EXOC5: variants seen among roughly 807,000 people sequenced by gnomAD.
The protein encoded by EXOC5 is exocyst complex component 5.
EXOC5 carries 17 observed loss-of-function variants against 90.8 expected under a neutral mutation model. That is an observed-to-expected ratio of 0.19 (90% CI 0.13 to 0.28). The LOEUF (loss-of-function observed/expected upper bound fraction) is 0.28, where lower values mean the gene tolerates loss of function less well. Ranked by LOEUF, EXOC5 falls within the 10% of genes least tolerant of loss-of-function variation. EXOC5 has a pLI of 1.00. For missense variants in EXOC5, 569 were observed against 830.6 expected (o/e 0.69, Z 3.87); for synonymous variants, 260 against 270.0 (o/e 0.96, Z 0.36).
chr14:57,228,730 T>G (rs1426191516), intron 12 of EXOC5, among the ~76,000 whole-genome samples: 1 of 151,044 alleles, frequency 6.6e-6, no homozygotes, highest in Admixed American at 6.6e-5. Context: ...AAGGGAGGAA[T>G]AGCATTAGGA....
In EXOC5 at chr14:57,258,100, A is replaced by C. The variant is rs148474065; in HGVS notation, c.28-10388T>G. 2.0e-5 allele frequency among the ~76,000 whole-genome samples: 3 copies of C among 152,338 alleles called. No individual in the cohort carries two copies. The East Asian group carries it at 5.8e-4, about 29-fold the overall frequency. On this transcript the variant is annotated intron_variant, in intron 1 of 17. Coordinates refer to ENST00000621441, the MANE Select transcript of EXOC5 (RefSeq NM_006544.4). Reference sequence around the variant, plus strand: ...CTTTACAAATGTTACCAATTGTAACATTAAAATATGATGTTTGTCATTGTG... The same window carrying C: ...CTTTACAAATGTTACCAATTGTAACCTTAAAATATGATGTTTGTCATTGTG...
intron 15 of EXOC5, among the ~76,000 whole-genome samples, chr14:57,216,981 AAAG>A (rs532734264): frequency 7.9e-5 from 12 of 152,346 alleles, no homozygotes; most frequent in African/African-American, 2.6e-4. Flanking sequence ...AAAATTTTTG[AAAG>A]AAGACATACA....
Position 57,204,252 on chromosome 14 carries a change from A to G in EXOC5, c.*4357T>C, listed in dbSNP as rs1198528039. On this transcript the variant is annotated 3_prime_UTR_variant, in exon 18 of 18. Transcript: ENST00000621441. The stretch of plus-strand genomic sequence containing the variant: ...GCAGCCTAGCTGCTTTAATTTGGCA[A>G]TTAAAATTTCTGTTCTCTAAATGTC... The G allele has an allele frequency of 6.6e-6, 1 of 152,160 alleles. No homozygotes were observed. Among genetic ancestry groups the G allele is most frequent in the Admixed American group, 6.6e-5 (1 of 15,264 alleles). The allele number at this position is 152,160 out of a possible 1,614,324, so 9.4% of individuals were successfully genotyped here.
In EXOC5 at chr14:57,231,484, A is replaced by C. The variant is rs374233813; in HGVS notation, c.1148+22T>G. ...TATTAATGTCTTCAGTTTTAACAGA[A>C]GTATTTAACAAAAATACTCACCCTC... On this transcript the variant is annotated intron_variant, in intron 11 of 17. Coordinates refer to ENST00000621441, the MANE Select transcript of EXOC5 (RefSeq NM_006544.4). 145 of 1,528,384 alleles carry C rather than the reference A, an allele frequency of 9.5e-5. No homozygotes were observed. In the Middle Eastern group the frequency reaches 2.8e-3, roughly 30 times the overall value. 94.7% of individuals were successfully genotyped at this position (1,528,384 alleles called of 1,614,324 possible). A position where few individuals can be genotyped will look rare whatever the true frequency, so the allele number is the denominator to read the frequency against.
At chr14:57,243,261 CT>C (rs1883926505) in intron 4 of EXOC5, 1 of 152,060 alleles carries the variant, frequency 6.6e-6, no homozygotes, top group South Asian at 2.1e-4. Flanking sequence ...TCAAAAACAC[CT>C]TTTCTTTAGA....
chr14:57,252,973 G>A (rs533787403), intron 1 of EXOC5, among the ~76,000 whole-genome samples: 13 of 152,182 alleles, frequency 8.5e-5, no homozygotes, highest in South Asian at 2.1e-4. Context: ...AGGAAATCCC[G>A]TCATTTGCAA....
intron 1 of EXOC5, among the ~76,000 whole-genome samples, chr14:57,266,833 C>T (rs1051524414): frequency 6.6e-6 from 1 of 151,374 alleles, no homozygotes; most frequent in African/African-American, 2.4e-5. Flanking sequence ...CTCCCCTTCC[C>T]CGCTAGGGAG....
chr14:57,217,427 T>TA (rs1313009243), intron 15 of EXOC5, among the ~76,000 whole-genome samples: 3 of 152,176 alleles, frequency 2.0e-5, no homozygotes, highest in Non-Finnish European at 4.4e-5. Flanking sequence ...TGGTAATCCT[T>TA]ACAATATTTC....
chr14:57,227,493 C>T (rs973809848), intron 12 of EXOC5, among the ~76,000 whole-genome samples: 1 of 152,156 alleles, frequency 6.6e-6, no homozygotes, highest in Non-Finnish European at 1.5e-5. Context: ...TGATGTTATA[C>T]ATATCACATG....
chr14:57,256,030 C>T (rs1884339477), intron 1 of EXOC5, among the ~76,000 whole-genome samples: 1 of 152,054 alleles, frequency 6.6e-6, no homozygotes, highest in African/African-American at 2.4e-5. Flanking sequence ...TAGGTTCTTC[C>T]GGAATAGTCT....
At chr14:57,262,671 T>C (rs1884544156) in intron 1 of EXOC5, among the ~76,000 whole-genome samples, 1 of 145,768 alleles carries the variant, frequency 6.9e-6, no homozygotes, top group Non-Finnish European at 1.5e-5. Context: ...TACATAAGTG[T>C]ATATATATAC....
At chr14:57,235,203 C>G (rs181754002) in intron 7 of EXOC5, among the ~76,000 whole-genome samples, 1 of 152,248 alleles carries the variant, frequency 6.6e-6, no homozygotes, top group East Asian at 1.9e-4. Context: ...TAAGCACTTT[C>G]TTTGCAGAAA....
intron 1 of EXOC5, among the ~76,000 whole-genome samples, chr14:57,261,281 T>C (rs1884496919): frequency 6.6e-6 from 1 of 152,200 alleles, no homozygotes; most frequent in Admixed American, 6.5e-5. Context: ...CTCACACATG[T>C]GGGCACACAC....
chr14:57,229,680 C>T, intron 12 of EXOC5, 54 bp downstream of exon 12: 1 of 1,305,256 alleles, frequency 7.7e-7, no homozygotes, highest in African/African-American at 1.5e-5. Context: ...ATCAATTCCC[C>T]ACAGATATCA....
At chr14:57,253,411 A>G (rs1274497894) in intron 1 of EXOC5, among the ~76,000 whole-genome samples, 1 of 152,218 alleles carries the variant, frequency 6.6e-6, no homozygotes, top group Non-Finnish European at 1.5e-5. Context: ...ATGGAAACAC[A>G]TCCTATGTTT....
At position 57,218,071 on chromosome 14, in the gene EXOC5, AT is replaced by A; in HGVS notation, c.1527-4del. 1 of 1,370,172 alleles carries A rather than the reference AT, an allele frequency of 7.3e-7. No individual in the cohort carries two copies. 84.9% of individuals were successfully genotyped at this position (1,370,172 alleles called of 1,614,324 possible). Reference sequence around the variant, plus strand: ...ATTCAGATAACTTAGGAGAAGAGCTATTGTATATTTAAAATGGAAAAAGAAT... The same window carrying A: ...ATTCAGATAACTTAGGAGAAGAGCTATGTATATTTAAAATGGAAAAAGAAT... On this transcript the variant is annotated splice_region_variant and splice_polypyrimidine_tract_variant and intron_variant, in intron 14 of 17. Coordinates refer to ENST00000621441, the MANE Select transcript of EXOC5 (RefSeq NM_006544.4).
chr14:57,267,353 C>T (rs1486694118), intron 1 of EXOC5, among the ~76,000 whole-genome samples: 1 of 152,056 alleles, frequency 6.6e-6, no homozygotes, highest in African/African-American at 2.4e-5. Flanking sequence ...TATATTACTC[C>T]TCTCAAAAAA....
chr14:57,238,373 TATACACACACACACAC>T (rs1306585333), intron 5 of EXOC5, among the ~76,000 whole-genome samples: 1 of 79,914 alleles, frequency 1.3e-5, no homozygotes, highest in Non-Finnish European at 3.0e-5. Flanking sequence ...TATATATATA[TATACACACACACACAC>T]ACACACACAC....
chr14:57,222,473 AT>A (rs891460983), intron 12 of EXOC5, 57 bp from the exon 13 acceptor site: 32 of 950,830 alleles, frequency 3.4e-5, no homozygotes, highest in East Asian at 7.5e-5. Flanking sequence ...GAAAATGCCA[AT>A]TTTTTTTAAG....
Sources: gnomAD v4.1 joint callset for allele counts (sites outside exome capture counted in the v4.1 genomes callset) on GRCh38, gnomAD v4.1.1 for gene constraint, MANE v1.5 for transcripts, NCBI Gene and HGNC (gene_info 2026-07-23, HGNC 2026-07-21) for gene names.